The following AIG1 variants were observed in gnomAD, a reference collection of about 807,000 sequenced individuals.
The protein encoded by AIG1 is androgen-induced gene 1 protein.
Under a neutral mutation model 31.4 loss-of-function variants are expected in AIG1, and 23 were observed. The observed-to-expected ratio is 0.73, with a 90% CI of 0.53 to 1.04. AIG1 has a LOEUF of 1.04. AIG1 is among the 50% of genes least tolerant of loss of function. The probability of loss-of-function intolerance (pLI) is 0.00; values close to 1 mark genes in which losing one functional copy is unlikely to be tolerated. For missense variants in AIG1, 274 were observed against 295.0 expected, an observed-to-expected ratio of 0.93 and a Z score of 0.52; for synonymous variants, 100 against 110.5, an observed-to-expected ratio of 0.90 and a Z score of 0.60.
At chr6:143,143,540 T>A (rs1259829771) in intron 2 of AIG1, among the ~76,000 whole-genome samples, 3 of 116,316 alleles carry the variant, frequency 2.6e-5, no homozygotes, top group Admixed American at 9.0e-5. Flanking sequence ...TATATATATA[T>A]ATATATATAT....
At chr6:143,088,772 G>A (rs562664045) in intron 1 of AIG1, among the ~76,000 whole-genome samples, 14 of 152,302 alleles carry the variant, frequency 9.2e-5, no homozygotes, top group Non-Finnish European at 1.6e-4. Context: ...AGTGAATACA[G>A]GAAACATGGG....
chr6:143,196,349 CA>C (rs1367745067), intron 3 of AIG1, among the ~76,000 whole-genome samples: 1 of 89,230 alleles, frequency 1.1e-5, no homozygotes, highest in African/African-American at 4.6e-5. Context: ...GCAACAAAAG[CA>C]ACACACACAC....
intron 3 of AIG1, among the ~76,000 whole-genome samples, chr6:143,216,885 A>C (rs1399118287): frequency 6.6e-6 from 1 of 152,188 alleles, no homozygotes; most frequent in Non-Finnish European, 1.5e-5. Context: ...GGAAGCTATT[A>C]GGGCACCATC....
chr6:143,234,853 G>C (rs1793693272), intron 3 of AIG1, among the ~76,000 whole-genome samples: 1 of 152,108 alleles, frequency 6.6e-6, no homozygotes, highest in Admixed American at 6.5e-5. Flanking sequence ...ACTCATGGTG[G>C]ATATCCCATG....
intron 3 of AIG1, among the ~76,000 whole-genome samples, chr6:143,177,080 A>G (rs1395832973): frequency 6.6e-6 from 1 of 152,204 alleles, no homozygotes; most frequent in Admixed American, 6.5e-5. Flanking sequence ...GATCTAGTCT[A>G]TTATTGAAGT....
intron 4 of AIG1, among the ~76,000 whole-genome samples, chr6:143,315,197 GTA>G (rs1464730360): frequency 6.6e-6 from 1 of 152,074 alleles, no homozygotes; most frequent in Non-Finnish European, 1.5e-5. Flanking sequence ...CGTGGCAAAA[GTA>G]TATCGGGGTA....
intron 3 of AIG1, among the ~76,000 whole-genome samples, chr6:143,179,045 T>A (rs1441345533): frequency 6.6e-6 from 1 of 151,882 alleles, no homozygotes; most frequent in East Asian, 1.9e-4. Context: ...AGAAAACCCA[T>A]GGATAAGTGC....
intron 1 of AIG1, among the ~76,000 whole-genome samples, chr6:143,080,451 A>G (rs965447704): frequency 1.3e-5 from 2 of 152,146 alleles, no homozygotes; most frequent in Non-Finnish European, 2.9e-5. Flanking sequence ...GTGCAGGGGC[A>G]TATGAGTGTG....
chr6:143,220,264 A>G lies in AIG1; in HGVS notation c.399+55081A>G, dbSNP rs56852914. Among the ~76,000 whole-genome samples the G allele has an allele frequency of 9.4e-3, 1,433 of 152,322 alleles. 17 individuals carry two copies. Among genetic ancestry groups the G allele is most frequent in the African/African-American group, 0.033 (1,387 of 41,570 alleles). On this transcript the variant is annotated intron_variant, in intron 3 of 5. Coordinates refer to ENST00000357847, the MANE Select transcript of AIG1 (RefSeq NM_016108.4). ...CTGGACGTCCTGTTTTATTGAATTCATAACATTTATTACTATGTACATATG... is the reference window on the plus strand; with the variant it reads ...CTGGACGTCCTGTTTTATTGAATTCGTAACATTTATTACTATGTACATATG...
In AIG1 at chr6:143,210,166, C is replaced by G. The variant is rs143814269; in HGVS notation, c.399+44983C>G. Among the ~76,000 whole-genome samples, 345 of 152,316 alleles carry G rather than the reference C, an allele frequency of 2.3e-3. 1 individual carries two copies. Among genetic ancestry groups the G allele is most frequent in the Middle Eastern group, 0.014 (4 of 294 alleles). ...GGGGCTTTTCCCCCTTCTGCTCATTCTTCTCCTCCTGCCACCATGTGAAGA... is the reference window on the plus strand; with the variant it reads ...GGGGCTTTTCCCCCTTCTGCTCATTGTTCTCCTCCTGCCACCATGTGAAGA... On this transcript the variant is annotated intron_variant, in intron 3 of 5. Transcript: ENST00000357847.
intron 2 of AIG1, among the ~76,000 whole-genome samples, chr6:143,140,074 G>C (rs1784119974): frequency 6.6e-6 from 1 of 152,180 alleles, no homozygotes; most frequent in South Asian, 2.1e-4. Flanking sequence ...CACAATCATG[G>C]GGGAAGCCAA....
At chr6:143,196,396 C>CACAT (rs1554256875) in intron 3 of AIG1, among the ~76,000 whole-genome samples, 4 of 142,636 alleles carry the variant, frequency 2.8e-5, no homozygotes, top group Non-Finnish European at 6.1e-5. Flanking sequence ...CACACACACA[C>CACAT]CCCAATTTGA....
intron 4 of AIG1, among the ~76,000 whole-genome samples, chr6:143,296,448 T>C (rs950174334): frequency 6.6e-6 from 1 of 152,186 alleles, no homozygotes; most frequent in African/African-American, 2.4e-5. Context: ...TCAGAACATA[T>C]TCTCTTGTGG....
intron 3 of AIG1, among the ~76,000 whole-genome samples, chr6:143,225,661 A>C (rs912204296): frequency 6.6e-6 from 1 of 152,100 alleles, no homozygotes; most frequent in East Asian, 1.9e-4. Flanking sequence ...TTATTTAATA[A>C]TTAGAAAAAA....
intron 4 of AIG1, among the ~76,000 whole-genome samples, chr6:143,310,905 A>G (rs550588036): frequency 2.0e-5 from 3 of 152,026 alleles, no homozygotes; most frequent in East Asian, 3.9e-4. Flanking sequence ...AGAGAAAAAT[A>G]ATATCTTAAT....
chr6:143,210,242 A>T (rs568857074), intron 3 of AIG1, among the ~76,000 whole-genome samples: 8 of 152,272 alleles, frequency 5.3e-5, no homozygotes, highest in Non-Finnish European at 1.0e-4. Context: ...ATTTAGGCCA[A>T]CCCAGCCATG....
intron 3 of AIG1, among the ~76,000 whole-genome samples, chr6:143,219,543 G>A (rs1045996270): frequency 2.0e-5 from 3 of 152,156 alleles, no homozygotes; most frequent in East Asian, 3.9e-4. Context: ...GTTGTTTTTA[G>A]CAACGCAACT....
At chr6:143,197,705 G>T (rs963666367) in intron 3 of AIG1, among the ~76,000 whole-genome samples, 3 of 152,216 alleles carry the variant, frequency 2.0e-5, no homozygotes, top group African/African-American at 7.2e-5. Flanking sequence ...TGGTAAGTCT[G>T]CCAGCCTAGA....
At chr6:143,112,136 C>T (rs1271851691) in intron 1 of AIG1, among the ~76,000 whole-genome samples, 3 of 152,200 alleles carry the variant, frequency 2.0e-5, no homozygotes, top group Admixed American at 1.3e-4. Flanking sequence ...CTTCTCTAGT[C>T]TCCTCTTGAC....
Sources: allele counts gnomAD v4.1 joint callset (sites outside exome capture counted in the v4.1 genomes callset), GRCh38; gene constraint gnomAD v4.1.1; transcripts MANE v1.5; gene names NCBI Gene and HGNC (gene_info 2026-07-23, HGNC 2026-07-21).